Variants in POT1 observed in about 807,000 individuals in gnomAD.
POT1 encodes protection of telomeres 1, also known as protection of telomeres protein 1.
Under a neutral mutation model 78.5 loss-of-function variants are expected in POT1, and 47 were observed. The ratio of observed to expected loss-of-function variants is 0.60; its 90% CI spans 0.47 to 0.76. The LOEUF (loss-of-function observed/expected upper bound fraction) is 0.76, where lower values mean the gene tolerates loss of function less well. Ranked by LOEUF, POT1 falls within the 30% of genes least tolerant of loss-of-function variation. POT1 has a pLI of 0.00. For missense variants in POT1, 646 were observed against 749.9 expected, an observed-to-expected ratio of 0.86 and a Z score of 1.62; for synonymous variants, 259 against 260.7, an observed-to-expected ratio of 0.99 and a Z score of 0.06.
chr7:124,896,322 C>T lies in POT1; in HGVS notation c.9+843G>A, dbSNP rs149161394. Among the ~76,000 whole-genome samples, 782 of 151,616 alleles carry T rather than the reference C, an allele frequency of 5.2e-3. 10 individuals carry two copies. Among genetic ancestry groups the T allele is most frequent in the African/African-American group, 0.017 (712 of 41,468 alleles). On this transcript the variant is annotated intron_variant, in intron 5 of 18. Coordinates refer to ENST00000357628, the MANE Select transcript of POT1 (RefSeq NM_015450.3). ...TTTATTCCCGCCTTATTTACAGGTTCGCAGATATATCAAATATTTTAAATT... is the reference window on the plus strand; with the variant it reads ...TTTATTCCCGCCTTATTTACAGGTTTGCAGATATATCAAATATTTTAAATT...
At chr7:124,857,541 G>A (rs532170550) in intron 9 of POT1, among the ~76,000 whole-genome samples, 1 of 152,218 alleles carries the variant, frequency 6.6e-6, no homozygotes, top group Non-Finnish European at 1.5e-5. Context: ...GCAGAGGGAA[G>A]AGAGGCAGCT....
chr7:124,889,778 T>C (rs144164648), intron 6 of POT1, among the ~76,000 whole-genome samples: 79 of 152,130 alleles, frequency 5.2e-4, no homozygotes, highest in South Asian at 3.5e-3. Flanking sequence ...GCTTTCTGAA[T>C]ACTTTAAGCC....
chr7:124,885,715 A>G (rs1319692974), intron 6 of POT1, among the ~76,000 whole-genome samples: 7 of 152,002 alleles, frequency 4.6e-5, no homozygotes, highest in Non-Finnish European at 1.0e-4. Context: ...GCAGTGAGCT[A>G]AGATCATGCC....
Position 124,892,375 on chromosome 7 carries a change from T to G in POT1, c.15A>C (p.Pro5=), listed in dbSNP as rs764164330. The change falls in exon 6 of 19, where the codon CCA becomes CCC. Residue 5 remains proline, a synonymous_variant. Coordinates refer to ENST00000357628, the MANE Select transcript of POT1 (RefSeq NM_015450.3). ...GGGGTGTATATATATAATTTGTTGC[T>G]GGAACCTAAAGAAAGAGAAGACAGT... MSLV[P]ATNYIYTPLN... 7.0e-7 allele frequency: 1 copy of G among 1,431,932 alleles called. No homozygotes were observed. Among genetic ancestry groups the G allele is most frequent in the East Asian group, 2.7e-5 (1 of 36,926 alleles). 88.7% of individuals were successfully genotyped at this position (1,431,932 alleles called of 1,614,324 possible).
intron 8 of POT1, among the ~76,000 whole-genome samples, chr7:124,860,448 T>C (rs1795563367): frequency 6.6e-6 from 1 of 152,212 alleles, no homozygotes; most frequent in Admixed American, 6.5e-5. Context: ...TATTCTCATT[T>C]TTTATACTGT....
In POT1 at chr7:124,863,403, T is replaced by G; in HGVS notation, c.493A>C (p.Thr165Pro). 1 of 1,613,882 alleles carries G rather than the reference T, an allele frequency of 6.2e-7. No homozygotes were observed. Among genetic ancestry groups the G allele is most frequent in the Non-Finnish European group, 8.5e-7 (1 of 1,179,854 alleles). Reference protein sequence around the residue: ...DVQPMQYFDLTCQLLGKAEVD... With the variant: ...DVQPMQYFDLPCQLLGKAEVD... ...TCTGCTTTGCCCAAGAGCTGACAAG[T>G]CAGGTCAAAATACTGCATTGGCTGA... is the stretch of plus-strand genomic sequence containing the variant. Residue 165 changes from threonine to proline, a missense_variant, in exon 8 of 19, where the codon ACT becomes CCT. Physicochemically the swap from Thr to Pro is conservative, Grantham distance 38. Transcript: ENST00000357628.
intron 10 of POT1, among the ~76,000 whole-genome samples, chr7:124,852,372 G>A (rs1365824075): frequency 6.6e-6 from 1 of 152,122 alleles, no homozygotes; most frequent in Non-Finnish European, 1.5e-5. Context: ...TTAATGAACA[G>A]TATGTTTTCT....
chr7:124,872,182 A>T (rs1050632069), intron 6 of POT1, among the ~76,000 whole-genome samples: 5 of 152,180 alleles, frequency 3.3e-5, no homozygotes, highest in Admixed American at 6.6e-5. Context: ...ATGTCTAAAT[A>T]GTATTCCACT....
intron 3 of POT1, among the ~76,000 whole-genome samples, chr7:124,911,832 C>T (rs1305844515): frequency 1.3e-5 from 2 of 152,068 alleles, no homozygotes; most frequent in African/African-American, 4.8e-5. Flanking sequence ...ATTCCAGACC[C>T]CACAGGTTTT....
intron 16 of POT1, among the ~76,000 whole-genome samples, chr7:124,828,663 T>A (rs1000832674): frequency 6.6e-6 from 1 of 151,846 alleles, no homozygotes; most frequent in Non-Finnish European, 1.5e-5. Context: ...ACATTAAGAA[T>A]AGAACGAAGA....
chr7:124,920,659 C>T (rs1036169899), intron 2 of POT1, among the ~76,000 whole-genome samples: 5 of 105,148 alleles, frequency 4.8e-5, no homozygotes, highest in African/African-American at 1.1e-4. Flanking sequence ...AACACAAATA[C>T]TTCAATCTTT....
At chr7:124,844,440 T>C (rs1795111077) in intron 12 of POT1, among the ~76,000 whole-genome samples, 1 of 145,224 alleles carries the variant, frequency 6.9e-6, no homozygotes, top group Non-Finnish European at 1.5e-5. Flanking sequence ...GTGATGCTTT[T>C]AAAAAGGCCA....
chr7:124,924,689 G>T (rs1015869031), intron 2 of POT1, among the ~76,000 whole-genome samples: 1 of 151,940 alleles, frequency 6.6e-6, no homozygotes, highest in African/African-American at 2.4e-5. Context: ...TAGTATCTCT[G>T]ATGACATCGA....
intron 6 of POT1, among the ~76,000 whole-genome samples, chr7:124,880,371 T>C (rs1299555669): frequency 6.6e-6 from 1 of 152,038 alleles, no homozygotes; most frequent in Non-Finnish European, 1.5e-5. Flanking sequence ...ATAAGACCAA[T>C]ACAGGAAAAA....
At position 124,827,203 on chromosome 7, in the gene POT1, C is replaced by A; in HGVS notation, c.1686+11G>T. 7.1e-7 allele frequency: 1 copy of A among 1,414,262 alleles called. No individual in the cohort carries two copies. Among genetic ancestry groups the A allele is most frequent in the Admixed American group, 2.0e-5 (1 of 49,202 alleles). 87.6% of individuals were successfully genotyped at this position (1,414,262 alleles called of 1,614,324 possible). A position where few individuals can be genotyped will look rare whatever the true frequency, so the allele number is the denominator to read the frequency against. ...TTAATTAAAAATATCTTTATTACCT[C>A]TGATACTTACAGAATCCATGAGATA... is the stretch of plus-strand genomic sequence containing the variant. On this transcript the variant is annotated intron_variant, in intron 17 of 18. Transcript: ENST00000357628.
At chr7:124,835,180 C>G in intron 15 of POT1, 99 bp downstream of exon 15, 1 of 1,396,758 alleles carries the variant, frequency 7.2e-7, no homozygotes, top group Non-Finnish European at 9.8e-7. Context: ...CACAATAGCA[C>G]GTGTATACCT....
intron 11 of POT1, among the ~76,000 whole-genome samples, chr7:124,848,849 G>C (rs1404390746): frequency 6.6e-6 from 1 of 152,006 alleles, no homozygotes; most frequent in Non-Finnish European, 1.5e-5. Context: ...GGAAATAAAA[G>C]CGGAGATGGA....
At chr7:124,904,731 A>G (rs75262297) in intron 3 of POT1, among the ~76,000 whole-genome samples, 91,343 of 151,964 alleles carry the variant, frequency 0.6, 27,584 homozygotes, top group African/African-American at 0.65. Flanking sequence ...TGACATGATT[A>G]TATGTTTAGA....
chr7:124,865,952 C>T (rs7782351), intron 7 of POT1, among the ~76,000 whole-genome samples: 48,428 of 151,790 alleles, frequency 0.32, 7,737 homozygotes, highest in South Asian at 0.4. Flanking sequence ...CTAAGGGTAA[C>T]ACTTTGTTGT....
Sources: gnomAD v4.1 joint callset for allele counts (sites outside exome capture counted in the v4.1 genomes callset) on GRCh38, gnomAD v4.1.1 for gene constraint, MANE v1.5 for transcripts, NCBI Gene and HGNC (gene_info 2026-07-23, HGNC 2026-07-21) for gene names.